APBB2: variants seen among roughly 807,000 people sequenced by gnomAD.
The protein encoded by APBB2 is amyloid beta precursor protein binding family B member 2, also known as Fe65-like 1.
In APBB2, 38 loss-of-function variants were observed where a neutral mutation model predicts 82.5. The observed-to-expected ratio is 0.46, with a 90% CI of 0.36 to 0.60. APBB2 has a LOEUF of 0.60. Ranked by LOEUF, APBB2 falls within the 20% of genes least tolerant of loss-of-function variation. The pLI, the probability that APBB2 is intolerant of heterozygous loss-of-function variation, is 0.00. For synonymous variants in APBB2, 341 were observed against 368.2 expected (o/e 0.93, Z 0.85); for missense variants, 772 against 972.3 (o/e 0.79, Z 2.74).
chr4:40,906,516 C>T (rs1421622727), intron 10 of APBB2, among the ~76,000 whole-genome samples: 1 of 114,152 alleles, frequency 8.8e-6, no homozygotes, highest in East Asian at 2.5e-4. Flanking sequence ...AAAAAGAAAA[C>T]AAAAATTCCC....
At chr4:40,926,948 C>A (rs762958250) in intron 10 of APBB2, among the ~76,000 whole-genome samples, 1 of 152,250 alleles carries the variant, frequency 6.6e-6, no homozygotes, top group African/African-American at 2.4e-5. Flanking sequence ...AGGGCACACA[C>A]ACAGTGAGTG....
intron 12 of APBB2, among the ~76,000 whole-genome samples, chr4:40,831,839 C>A (rs1358164844): frequency 1.3e-5 from 2 of 152,038 alleles, no homozygotes; most frequent in East Asian, 1.9e-4. Context: ...GAGCATGCAG[C>A]CGATGTTGGG....
At chr4:40,964,411 T>A (rs1794080660) in intron 6 of APBB2, among the ~76,000 whole-genome samples, 1 of 149,030 alleles carries the variant, frequency 6.7e-6, no homozygotes, top group African/African-American at 2.6e-5. Context: ...CAAAACCACG[T>A]AAAATTATAT....
intron 2 of APBB2, among the ~76,000 whole-genome samples, chr4:41,107,310 CA>C (rs905078259): frequency 1.3e-5 from 2 of 150,954 alleles, no homozygotes; most frequent in South Asian, 2.1e-4. Context: ...GACCCTTTCT[CA>C]AAAAAAAGAA....
intron 5 of APBB2, among the ~76,000 whole-genome samples, chr4:41,017,109 T>C (rs749193635): frequency 2.0e-5 from 3 of 152,040 alleles, no homozygotes; most frequent in Non-Finnish European, 4.4e-5. Context: ...GTTGCCCAGG[T>C]TGGTCTCAAA....
intron 3 of APBB2, among the ~76,000 whole-genome samples, chr4:41,086,010 C>T (rs534673657): frequency 6.6e-6 from 1 of 152,082 alleles, no homozygotes; most frequent in South Asian, 2.1e-4. Flanking sequence ...GGGACATTAC[C>T]ACTGTTTCTA....
rs180847249 is a variant in APBB2 at position 41,209,946 on chromosome 4, C to A, written c.-417+4459G>T. 1.9e-3 allele frequency among the ~76,000 whole-genome samples: 291 copies of A among 152,232 alleles called. 3 individuals carry two copies. Among genetic ancestry groups the A allele is most frequent in the African/African-American group, 6.8e-3 (282 of 41,556 alleles). ...GCGTTCATGGAAGACAATTTTTCCACGGATGGGGTTGGGGATTGGGATGAA... is the reference window on the plus strand; with the variant it reads ...GCGTTCATGGAAGACAATTTTTCCAAGGATGGGGTTGGGGATTGGGATGAA... On this transcript the variant is annotated intron_variant, in intron 1 of 17. Coordinates refer to ENST00000508593, the MANE Select transcript of APBB2 (RefSeq NM_004307.2).
At chr4:41,061,269 T>C (rs1729731845) in intron 4 of APBB2, among the ~76,000 whole-genome samples, 1 of 152,244 alleles carries the variant, frequency 6.6e-6, no homozygotes, top group African/African-American at 2.4e-5. Context: ...AATATAGTCA[T>C]GTGTTGCTGA....
At chr4:40,880,526 C>T in intron 12 of APBB2, 1 of 985,450 alleles carries the variant, frequency 1.0e-6, no homozygotes. Context: ...TTATGACTTC[C>T]TCTGTTCTCA....
At chr4:41,104,160 G>A (rs1014604731) in intron 2 of APBB2, among the ~76,000 whole-genome samples, 8 of 152,132 alleles carry the variant, frequency 5.3e-5, no homozygotes, top group East Asian at 3.8e-4. Context: ...TTGGGCATGC[G>A]GATAAACTTC....
At chr4:40,878,595 C>T (rs1247809382) in intron 12 of APBB2, among the ~76,000 whole-genome samples, 4 of 152,150 alleles carry the variant, frequency 2.6e-5, no homozygotes, top group Admixed American at 6.6e-5. Context: ...CGCCTCAGGA[C>T]TTTCAAATGT....
chr4:41,084,210 AGGTCGGGAGTTTGAGACCAGCCT>A (rs763511204), intron 3 of APBB2, among the ~76,000 whole-genome samples: 3 of 152,174 alleles, frequency 2.0e-5, no homozygotes, highest in Non-Finnish European at 2.9e-5. Flanking sequence ...GGATCACCTG[AGGTCGGGAGTTTGAGACCAGCCT>A]GGCCAACATG....
At chr4:41,034,840 A>G (rs1718520784) in intron 4 of APBB2, among the ~76,000 whole-genome samples, 1 of 152,264 alleles carries the variant, frequency 6.6e-6, no homozygotes, top group Non-Finnish European at 1.5e-5. Context: ...ACAAAATAAT[A>G]CATAATAAGG....
chr4:40,933,311 C>T (rs1398823403), intron 10 of APBB2, among the ~76,000 whole-genome samples: 1 of 152,212 alleles, frequency 6.6e-6, no homozygotes, highest in Non-Finnish European at 1.5e-5. Context: ...CCTCTCCCAT[C>T]AGCTGCTGGA....
chr4:41,038,977 T>C (rs1381691977), intron 4 of APBB2, among the ~76,000 whole-genome samples: 1 of 152,250 alleles, frequency 6.6e-6, no homozygotes, highest in Non-Finnish European at 1.5e-5. Context: ...CAGACATGAT[T>C]TGCACTGCTG....
intron 3 of APBB2, among the ~76,000 whole-genome samples, chr4:41,097,225 G>A (rs1364484664): frequency 6.6e-6 from 1 of 152,164 alleles, no homozygotes; most frequent in Non-Finnish European, 1.5e-5. Flanking sequence ...ATATAACAAA[G>A]GGACCAAAGA....
In APBB2 at chr4:40,871,761, C is replaced by T. The variant is rs141659481; in HGVS notation, c.1529+18603G>A. Reference sequence around the variant, plus strand: ...ATGCACAGAGTTCTGATTATTCTCCCCTCATTCTCCCCTTCAGATAATCAA... The same window carrying T: ...ATGCACAGAGTTCTGATTATTCTCCTCTCATTCTCCCCTTCAGATAATCAA... On this transcript the variant is annotated intron_variant, in intron 12 of 17. Coordinates refer to ENST00000508593, the MANE Select transcript of APBB2 (RefSeq NM_004307.2). Among the ~76,000 whole-genome samples, 3 of 152,242 alleles carry T rather than the reference C, an allele frequency of 2.0e-5. 1 individual carries two copies. Among genetic ancestry groups the T allele is most frequent in the African/African-American group, 7.2e-5 (3 of 41,562 alleles).
chr4:41,160,002 G>A (rs1028424801), intron 1 of APBB2, among the ~76,000 whole-genome samples: 1 of 149,744 alleles, frequency 6.7e-6, no homozygotes, highest in Admixed American at 6.6e-5. Context: ...AGAAGAAGAA[G>A]AAGAAGAAGA....
At chr4:40,857,252 G>C in intron 12 of APBB2, 1 of 877,542 alleles carries the variant, frequency 1.1e-6, no homozygotes. Flanking sequence ...CGCCCCACCC[G>C]GCCGCACTCC....
Sources: gnomAD v4.1 joint callset for allele counts (sites outside exome capture counted in the v4.1 genomes callset) on GRCh38, gnomAD v4.1.1 for gene constraint, MANE v1.5 for transcripts, NCBI Gene and HGNC (gene_info 2026-07-23, HGNC 2026-07-21) for gene names.